MAST4: variants seen among roughly 807,000 people sequenced by gnomAD.
MAST4 encodes microtubule-associated serine/threonine-protein kinase 4.
Under a neutral mutation model 162.7 loss-of-function variants are expected in MAST4, and 89 were observed. The observed-to-expected ratio is 0.55, with a 90% CI of 0.46 to 0.65. The LOEUF (loss-of-function observed/expected upper bound fraction) is 0.65, where lower values mean the gene tolerates loss of function less well. Ranked by LOEUF, MAST4 falls within the 30% of genes least tolerant of loss-of-function variation. The pLI, the probability that MAST4 is intolerant of heterozygous loss-of-function variation, is 0.00. For missense variants in MAST4, 3,153 were observed against 3,374.0 expected (o/e 0.93, Z 1.62); for synonymous variants, 1,479 against 1,361.1 (o/e 1.09, Z -1.91).
intron 1 of MAST4, among the ~76,000 whole-genome samples, chr5:66,630,327 T>A (rs1225921119): frequency 6.6e-6 from 1 of 152,196 alleles, no homozygotes; most frequent in African/African-American, 2.4e-5. Flanking sequence ...TCTGCAGCAT[T>A]ATCATGTCAA....
At chr5:66,754,424 T>A (rs553789889) in intron 1 of MAST4, among the ~76,000 whole-genome samples, 1 of 152,350 alleles carries the variant, frequency 6.6e-6, no homozygotes, top group East Asian at 1.9e-4. Flanking sequence ...ACATGAAGTG[T>A]TCAGTTTTTC....
chr5:66,702,509 TAGATA>T (rs1749847326), intron 1 of MAST4, among the ~76,000 whole-genome samples: 2 of 152,134 alleles, frequency 1.3e-5, no homozygotes, highest in African/African-American at 2.4e-5. Context: ...AGTGATATTT[TAGATA>T]AGTTGGTCAA....
rs548353542 is a variant in MAST4, at chr5:66,799,537, C to T, written c.642+10743C>T. Among the ~76,000 whole-genome samples, 7 of 152,230 alleles carry T rather than the reference C, an allele frequency of 4.6e-5. No individual in the cohort carries two copies. The South Asian group carries it at 1.2e-3, about 27-fold the overall frequency. ...TTTTAAATGACACCAGATGAAATATCATGGACTTATATTTGGTTGTGCCTA... is the reference window on the plus strand; with the variant it reads ...TTTTAAATGACACCAGATGAAATATTATGGACTTATATTTGGTTGTGCCTA... On this transcript the variant is annotated intron_variant, in intron 3 of 28. Coordinates refer to ENST00000403625, the MANE Select transcript of MAST4 (RefSeq NM_001164664.2).
intron 6 of MAST4, among the ~76,000 whole-genome samples, chr5:67,093,995 A>G (rs1271341680): frequency 1.3e-5 from 2 of 152,194 alleles, no homozygotes; most frequent in African/African-American, 2.4e-5. Context: ...TGTTATTACA[A>G]TTACTTTCTT....
At chr5:67,158,589 T>TA (rs1304425703) in intron 26 of MAST4, among the ~76,000 whole-genome samples, 2 of 151,408 alleles carry the variant, frequency 1.3e-5, no homozygotes, top group Non-Finnish European at 2.9e-5. Context: ...TTTTTTTAAT[T>TA]AAAAAAAATT....
At chr5:66,672,539 C>T (rs1288061046) in intron 1 of MAST4, among the ~76,000 whole-genome samples, 1 of 152,178 alleles carries the variant, frequency 6.6e-6, no homozygotes, top group Non-Finnish European at 1.5e-5. Context: ...TGGAAGAAAT[C>T]AGGAGAGAGA....
chr5:67,054,365 T>C (rs1322018301), intron 4 of MAST4, 39 bp from the exon 5 acceptor site: 1 of 1,523,022 alleles, frequency 6.6e-7, no homozygotes, highest in African/African-American at 1.4e-5. Flanking sequence ...ATTGATGCTA[T>C]ATTCTTTTTA....
chr5:66,856,253 C>CA (rs1340504134), intron 3 of MAST4, among the ~76,000 whole-genome samples: 1 of 152,178 alleles, frequency 6.6e-6, no homozygotes, highest in African/African-American at 2.4e-5. Context: ...AGGCTGATGT[C>CA]AAAGGGTGCA....
At chr5:66,948,616 G>A (rs1744310990) in intron 4 of MAST4, among the ~76,000 whole-genome samples, 1 of 152,048 alleles carries the variant, frequency 6.6e-6, no homozygotes. Context: ...ATGTCGCTGG[G>A]CTTTAAAATG....
intron 3 of MAST4, among the ~76,000 whole-genome samples, chr5:66,831,422 T>C (rs1167329581): frequency 6.6e-6 from 1 of 152,232 alleles, no homozygotes; most frequent in Non-Finnish European, 1.5e-5. Context: ...GAGTATACAC[T>C]ATTCTAATTC....
At chr5:67,161,413 G>A (rs747999145) in intron 27 of MAST4, among the ~76,000 whole-genome samples, 2 of 152,096 alleles carry the variant, frequency 1.3e-5, no homozygotes, top group African/African-American at 2.4e-5. Flanking sequence ...ATAAAATACC[G>A]GCCGTTTTTC....
chr5:66,953,668 C>A (rs1294556928), intron 4 of MAST4, among the ~76,000 whole-genome samples: 1 of 151,972 alleles, frequency 6.6e-6, no homozygotes, highest in African/African-American at 2.4e-5. Context: ...AGTGCTCCTC[C>A]CTTGCCCCAT....
intron 5 of MAST4, among the ~76,000 whole-genome samples, chr5:67,071,011 AGATAAGTTGGG>A (rs1418541662): frequency 6.6e-6 from 1 of 152,196 alleles, no homozygotes; most frequent in African/African-American, 2.4e-5. Flanking sequence ...ATCCCACATC[AGATAAGTTGGG>A]GATTCATTTA....
At chr5:66,945,632 C>T (rs1743936553) in intron 4 of MAST4, among the ~76,000 whole-genome samples, 2 of 152,080 alleles carry the variant, frequency 1.3e-5, no homozygotes, top group Non-Finnish European at 2.9e-5. Flanking sequence ...TCTGTGTCTG[C>T]TGGAGGTAGG....
intron 4 of MAST4, among the ~76,000 whole-genome samples, chr5:67,049,766 C>T (rs1757946349): frequency 3.9e-5 from 6 of 152,156 alleles, no homozygotes. Context: ...GGTTTCCTCT[C>T]TTCATTTTTC....
At chr5:66,924,539 G>A (rs763821515) in intron 4 of MAST4, among the ~76,000 whole-genome samples, 7 of 151,802 alleles carry the variant, frequency 4.6e-5, no homozygotes, top group Non-Finnish European at 1.0e-4. Flanking sequence ...GACTATAGGC[G>A]TCCGCCACCG....
chr5:67,019,736 A>G (rs528977067), intron 4 of MAST4, among the ~76,000 whole-genome samples: 6 of 152,296 alleles, frequency 3.9e-5, no homozygotes, highest in Admixed American at 3.3e-4. Flanking sequence ...GATGTGAAGA[A>G]CCCTGTCATG....
rs1485276522 is a variant in MAST4, at chr5:67,153,507, A to T, written c.3575A>T (p.Asp1192Val). 3 of 1,603,612 alleles carry T rather than the reference A, an allele frequency of 1.9e-6. No individual in the cohort carries two copies. The African/African-American group carries it at 4.0e-5, about 21-fold the overall frequency. Residue 1192 changes from aspartate (D) to valine (V), a missense_variant, in exon 26 of 29, where the codon GAT becomes GTT. Physicochemically the swap from Asp to Val is radical, Grantham distance 152. Around this residue, in one of 7 missense-constraint regions of MAST4, gnomAD observed 619 missense variants for 744.2 expected, o/e 0.83. Transcript: ENST00000403625. ...TGCCAGGCAGGACTGAAGGCTGGAG[A>T]TCTTATCACTCACATCAATGGAGAA... The part of the protein sequence containing the change: ...PACQAGLKAG[D>V]LITHINGEPV...
At chr5:66,796,679 C>G (rs948251515) in intron 3 of MAST4, among the ~76,000 whole-genome samples, 2 of 152,170 alleles carry the variant, frequency 1.3e-5, no homozygotes, top group Non-Finnish European at 2.9e-5. Context: ...TTTGGAACAG[C>G]AATACTACAC....
Sources: allele counts gnomAD v4.1 joint callset (sites outside exome capture counted in the v4.1 genomes callset), GRCh38; gene constraint gnomAD v4.1.1; regional missense constraint gnomAD v4.1.1; transcripts MANE v1.5; gene names NCBI Gene and HGNC (gene_info 2026-07-23, HGNC 2026-07-21).